The following SGCD variants were observed in gnomAD, a reference collection of about 807,000 sequenced individuals.
SGCD encodes the protein sarcoglycan delta.
In SGCD, 18 loss-of-function variants were observed where a neutral mutation model predicts 36.6. The ratio of observed to expected loss-of-function variants is 0.49; its 90% CI spans 0.34 to 0.73. The LOEUF is 0.73. SGCD is among the 30% of genes least tolerant of loss of function. The pLI is 0.01. For missense variants in SGCD, 387 were observed against 346.7 expected, an observed-to-expected ratio of 1.12 and a Z score of -0.92; for synonymous variants, 133 against 130.6, an observed-to-expected ratio of 1.02 and a Z score of -0.12.
intron 3 of SGCD, among the ~76,000 whole-genome samples, chr5:156,450,304 C>G (rs1308403311): frequency 2.6e-5 from 4 of 151,834 alleles, no homozygotes; most frequent in Non-Finnish European, 5.9e-5. Context: ...AGGTGCAGAG[C>G]TAGGAAACAA....
At chr5:155,897,676 T>C (rs1449338722) in intron 1 of SGCD, among the ~76,000 whole-genome samples, 3 of 152,102 alleles carry the variant, frequency 2.0e-5, no homozygotes, top group African/African-American at 7.2e-5. Context: ...TTTTAATTTT[T>C]TTTTTACTTT....
At chr5:155,773,714 C>G in the SGCD span, among the ~76,000 whole-genome samples, 1 of 152,158 alleles carries the variant, frequency 6.6e-6, no homozygotes. Context: ...AGGGGTAAGT[C>G]AAATAAAACT....
intron 1 of SGCD, among the ~76,000 whole-genome samples, chr5:156,061,725 C>G (rs1301826492): frequency 6.9e-6 from 1 of 144,714 alleles, no homozygotes; most frequent in Non-Finnish European, 1.6e-5. Context: ...AATTTATTCT[C>G]AATGTAAAGA....
At chr5:156,598,558 A>AACAAAT (rs1348187223) in intron 6 of SGCD, among the ~76,000 whole-genome samples, 1 of 152,108 alleles carries the variant, frequency 6.6e-6, no homozygotes, top group Non-Finnish European at 1.5e-5. Flanking sequence ...CAAAAACAAA[A>AACAAAT]ACAAAAAACT....
chr5:156,587,747 A>G (rs1436202388), intron 4 of SGCD, among the ~76,000 whole-genome samples: 1 of 152,106 alleles, frequency 6.6e-6, no homozygotes, highest in African/African-American at 2.4e-5. Context: ...GCTTAGCCCA[A>G]GTGTTCATTC....
chr5:156,566,631 C>A lies in SGCD; in HGVS notation c.295-22600C>A, dbSNP rs532264183. 2.0e-5 allele frequency among the ~76,000 whole-genome samples: 3 copies of A among 152,112 alleles called. No homozygotes were observed. In the South Asian group the frequency reaches 6.2e-4, roughly 32 times the overall value. The stretch of plus-strand genomic sequence containing the variant: ...TTCCTGTTAATAAACCCCTGTTTTT[C>A]TTTGATAATCTAAAAGAGAAATATA... On this transcript the variant is annotated intron_variant, in intron 4 of 8. Transcript: ENST00000337851.
chr5:156,428,408 G>A (rs951889932), intron 3 of SGCD, among the ~76,000 whole-genome samples: 11 of 151,816 alleles, frequency 7.2e-5, no homozygotes, highest in Non-Finnish European at 1.5e-4. Context: ...TTCTAATTGA[G>A]CTTATTTGGA....
At chr5:156,071,502 G>T (rs1054058915) in intron 1 of SGCD, among the ~76,000 whole-genome samples, 7 of 152,160 alleles carry the variant, frequency 4.6e-5, no homozygotes, top group Non-Finnish European at 1.0e-4. Flanking sequence ...GAGACAGTTT[G>T]TTGTAATTTC....
chr5:156,340,566 C>T (rs139096637), intron 2 of SGCD, among the ~76,000 whole-genome samples: 2 of 152,294 alleles, frequency 1.3e-5, no homozygotes, highest in African/African-American at 4.8e-5. Flanking sequence ...CTCCAAAATG[C>T]ATGTAAATCC....
At chr5:156,684,221 G>C (rs2113690177) in intron 7 of SGCD, among the ~76,000 whole-genome samples, 1 of 152,254 alleles carries the variant, frequency 6.6e-6, no homozygotes, top group East Asian at 1.9e-4. Context: ...CTGAGAGTTA[G>C]GAAACTGTAG....
intron 3 of SGCD, among the ~76,000 whole-genome samples, chr5:156,265,792 C>A (rs1310391430): frequency 6.6e-6 from 1 of 151,934 alleles, no homozygotes; most frequent in Non-Finnish European, 1.5e-5. Context: ...AAGAAGTATA[C>A]AGAAGAGCTG....
chr5:155,924,997 A>G (rs1756967247), intron 1 of SGCD, among the ~76,000 whole-genome samples: 1 of 152,210 alleles, frequency 6.6e-6, no homozygotes, highest in Admixed American at 6.5e-5. Context: ...CTAATCCATG[A>G]CCGAATTTTT....
chr5:156,734,365 G>A (rs906264330), intron 7 of SGCD, among the ~76,000 whole-genome samples: 4 of 151,378 alleles, frequency 2.6e-5, no homozygotes, highest in Non-Finnish European at 4.4e-5. Flanking sequence ...TCTTAGGGAT[G>A]ATTTTCTCAT....
intron 3 of SGCD, among the ~76,000 whole-genome samples, chr5:156,151,909 G>A (rs866196441): frequency 7.3e-5 from 11 of 150,850 alleles, no homozygotes; most frequent in African/African-American, 2.5e-4. Flanking sequence ...GATTGGTTCT[G>A]TTTGGATTTT....
At chr5:156,467,868 T>C (rs1389668404) in intron 3 of SGCD, among the ~76,000 whole-genome samples, 1 of 152,210 alleles carries the variant, frequency 6.6e-6, no homozygotes, top group Non-Finnish European at 1.5e-5. Flanking sequence ...ACATCAACTT[T>C]GGACTAAGGA....
intron 4 of SGCD, among the ~76,000 whole-genome samples, chr5:156,539,904 G>T (rs930003857): frequency 1.6e-4 from 24 of 152,228 alleles, no homozygotes; most frequent in African/African-American, 5.5e-4. Flanking sequence ...GGAACAAATT[G>T]TTGAACCTGT....
chr5:156,020,596 A>G, intron 1 of SGCD, among the ~76,000 whole-genome samples: 1 of 152,200 alleles, frequency 6.6e-6, no homozygotes, highest in Non-Finnish European at 1.5e-5. Context: ...GGTTATCAGT[A>G]GGATTAATTA....
At chr5:156,058,677 A>ATAT (rs1433256411) in intron 1 of SGCD, among the ~76,000 whole-genome samples, 1 of 146,782 alleles carries the variant, frequency 6.8e-6, no homozygotes, top group African/African-American at 2.5e-5. Context: ...ATATTTAATA[A>ATAT]TATTAGCAAA....
chr5:155,930,370 G>C (rs968701722), intron 1 of SGCD, among the ~76,000 whole-genome samples: 1 of 152,198 alleles, frequency 6.6e-6, no homozygotes, highest in Non-Finnish European at 1.5e-5. Flanking sequence ...TGAAGCAAAA[G>C]AAGTTTATCT....
Sources: gnomAD v4.1 joint callset for allele counts (sites outside exome capture counted in the v4.1 genomes callset) on GRCh38, gnomAD v4.1.1 for gene constraint, MANE v1.5 for transcripts, NCBI Gene and HGNC (gene_info 2026-07-23, HGNC 2026-07-21) for gene names.